Variants in COG3 observed in about 807,000 individuals in gnomAD.
The protein encoded by COG3 is conserved oligomeric Golgi complex subunit 3.
COG3 carries 32 observed loss-of-function variants against 114.1 expected under a neutral mutation model. That is an observed-to-expected ratio of 0.28 (90% CI 0.21 to 0.38). The LOEUF (loss-of-function observed/expected upper bound fraction) is 0.38, where lower values mean the gene tolerates loss of function less well. Among genes scored for constraint, COG3 ranks in the 10% least tolerant of loss-of-function variants. COG3 has a pLI of 1.00. For missense variants in COG3, 813 were observed against 973.2 expected, an observed-to-expected ratio of 0.84 and a Z score of 2.19; for synonymous variants, 352 against 365.7, an observed-to-expected ratio of 0.96 and a Z score of 0.43.
chr13:45,488,681 T>C (rs1886823073), intron 8 of COG3, among the ~76,000 whole-genome samples: 1 of 152,120 alleles, frequency 6.6e-6, no homozygotes, highest in African/African-American at 2.4e-5. Context: ...TTATTCATTC[T>C]ACGTAGCAGG....
At position 45,476,341 on chromosome 13, in the gene COG3, A is replaced by C. The variant is rs1174695990; in HGVS notation, c.315A>C (p.Ala105=). ...TGGAAGAAGAAAGAATTGAAACCGC[A>C]CAGCAGGTGAATTGCAGTATCTTTT... is the stretch of plus-strand genomic sequence containing the variant. ...LGMEEERIET[A]QQFFSWFAKL... is the part of the protein sequence containing the mutation. Residue 105 remains alanine (A), a synonymous_variant, in exon 2 of 23, where the codon GCA becomes GCC. Transcript: ENST00000349995. 3.0e-5 allele frequency: 49 copies of C among 1,613,574 alleles called. No individual in the cohort carries two copies. The highest frequency in any genetic ancestry group is 4.0e-5 in the Non-Finnish European group (47 of 1,179,740).
rs1885561347 is a variant in COG3 at position 45,472,216 on chromosome 13, A to G, written c.175-3985A>G. On this transcript the variant is annotated intron_variant, in intron 1 of 22. Coordinates refer to ENST00000349995, the MANE Select transcript of COG3 (RefSeq NM_031431.4). ...AATTTTTACCTTTATTTCTCTGTAT[A>G]GAATATGTCTTTTTCCCTCTGGCTG... 2.0e-5 allele frequency among the ~76,000 whole-genome samples: 3 copies of G among 152,092 alleles called. No homozygotes were observed. In the South Asian group the frequency reaches 6.2e-4, roughly 31 times the overall value.
chr13:45,513,531 A>G (rs1347122914), intron 16 of COG3, among the ~76,000 whole-genome samples: 1 of 140,628 alleles, frequency 7.1e-6, no homozygotes, highest in Non-Finnish European at 1.5e-5. Context: ...TAAATTATAT[A>G]TATAATATAT....
In COG3 at chr13:45,482,852, A is replaced by G. The variant is rs116813088; in HGVS notation, c.718-378A>G. 9.0e-3 allele frequency among the ~76,000 whole-genome samples: 1,370 copies of G among 152,322 alleles called. 27 individuals carry two copies. Among genetic ancestry groups the G allele is most frequent in the African/African-American group, 0.03 (1,268 of 41,574 alleles). Reference sequence around the variant, plus strand: ...AGAAAGTGTTACTTGGGGGGAAATAAAGGGACAAGCCCTTTGATTTAATCA... The same window carrying G: ...AGAAAGTGTTACTTGGGGGGAAATAGAGGGACAAGCCCTTTGATTTAATCA... On this transcript the variant is annotated intron_variant, in intron 6 of 22. Coordinates refer to ENST00000349995, the MANE Select transcript of COG3 (RefSeq NM_031431.4).
At chr13:45,478,708 C>T (rs537087189) in intron 2 of COG3, among the ~76,000 whole-genome samples, 2 of 152,218 alleles carry the variant, frequency 1.3e-5, no homozygotes, top group East Asian at 3.9e-4. Flanking sequence ...AGGCTGGTCT[C>T]GAACTCCCGA....
intron 1 of COG3, chr13:45,465,461 GT>G: frequency 1.9e-6 from 1 of 539,674 alleles, no homozygotes; most frequent in Non-Finnish European, 3.1e-6. Flanking sequence ...CCGGAACCCA[GT>G]CCTCCCCCAG....
Position 45,476,240 on chromosome 13 carries a change from C to T in COG3, c.214C>T (p.Leu72=). Residue 72 remains leucine (L), a synonymous_variant, in exon 2 of 23, where the codon CTG becomes TTG. Coordinates refer to ENST00000349995, the MANE Select transcript of COG3 (RefSeq NM_031431.4). ...EDLCSLTSQS[L]PIELTSVVPE... ...CTTGTGCAGTTTAACATCCCAGTCA[C>T]TGCCCATTGAACTGACTTCAGTAGT... 1 of 1,613,854 alleles carries T rather than the reference C, an allele frequency of 6.2e-7. No individual in the cohort carries two copies.
chr13:45,521,291 A>G (rs780251315), intron 19 of COG3, among the ~76,000 whole-genome samples: 16 of 152,320 alleles, frequency 1.1e-4, no homozygotes, highest in Non-Finnish European at 2.1e-4. Context: ...ACCTGTTTTT[A>G]TATTCCCTTC....
At chr13:45,490,180 A>G (rs1286484061) in intron 8 of COG3, among the ~76,000 whole-genome samples, 2 of 152,218 alleles carry the variant, frequency 1.3e-5, no homozygotes, top group East Asian at 1.9e-4. Context: ...CTGAGGATTT[A>G]TGAGACAGGC....
intron 15 of COG3, among the ~76,000 whole-genome samples, chr13:45,511,473 T>G (rs1204165491): frequency 6.6e-6 from 1 of 152,228 alleles, no homozygotes; most frequent in Non-Finnish European, 1.5e-5. Context: ...CTCCGTGAGG[T>G]CAGAACCATG....
chr13:45,500,248 T>C (rs905265212), intron 13 of COG3, among the ~76,000 whole-genome samples: 3 of 152,160 alleles, frequency 2.0e-5, no homozygotes, highest in Non-Finnish European at 4.4e-5. Context: ...AATATAATCT[T>C]GAGAAATCTG....
rs1295187482 is a variant in COG3 at position 45,503,294 on chromosome 13, T to C, written c.1539T>C (p.Ala513=). 2.5e-6 allele frequency: 4 copies of C among 1,608,970 alleles called. No homozygotes were observed. The highest frequency in any genetic ancestry group is 3.4e-6 in the Non-Finnish European group (4 of 1,175,646). Residue 513 remains alanine, a synonymous_variant, in exon 14 of 23, where the codon GCT becomes GCC. Transcript: ENST00000349995. ...AACAGAAGAAGGTACCTTCAGAAGCTTCATTTTCAGATGTTCACTTAGAAG... is the reference window on the plus strand; with the variant it reads ...AACAGAAGAAGGTACCTTCAGAAGCCTCATTTTCAGATGTTCACTTAGAAG... ...KDEQKKVPSE[A]SFSDVHLEEG...
intron 1 of COG3, among the ~76,000 whole-genome samples, chr13:45,468,010 C>G (rs1885253367): frequency 6.6e-6 from 1 of 152,144 alleles, no homozygotes; most frequent in Admixed American, 6.5e-5. Context: ...AGGAATTATG[C>G]CTTTTTTGGC....
At chr13:45,495,390 A>C (rs1244662641) in intron 12 of COG3, among the ~76,000 whole-genome samples, 8 of 151,218 alleles carry the variant, frequency 5.3e-5, no homozygotes, top group Admixed American at 4.6e-4. Context: ...TTTATTTATT[A>C]TTTTTGAGAC....
At chr13:45,493,548 AT>A (rs759789588) in intron 12 of COG3, 62 bp downstream of exon 12, 71 of 1,474,466 alleles carry the variant, frequency 4.8e-5, no homozygotes, top group Non-Finnish European at 6.3e-5. Flanking sequence ...TGAAAAAAAA[AT>A]AAGTGCTTCT....
intron 4 of COG3, 51 bp downstream of exon 4, chr13:45,480,341 T>G: frequency 8.1e-7 from 1 of 1,228,784 alleles, no homozygotes; most frequent in Non-Finnish European, 1.1e-6. Flanking sequence ...TATTTTAAAA[T>G]AGATGAATAC....
chr13:45,519,739 A>G (rs183736115), intron 19 of COG3, among the ~76,000 whole-genome samples: 3 of 152,300 alleles, frequency 2.0e-5, no homozygotes, highest in African/African-American at 7.2e-5. Context: ...ATTTGAGGAC[A>G]TGCTGTGCGT....
At position 45,534,694 on chromosome 13, in the gene COG3, C is replaced by CT. The variant is rs1206276761; in HGVS notation, c.2458-4dup. ...AGAACTAACATAGCTCTTAATTTTGCTTTTCAGCTGAGCCTTCTGCTGTTG... is the reference window on the plus strand; with the variant it reads ...AGAACTAACATAGCTCTTAATTTTGCTTTTTCAGCTGAGCCTTCTGCTGTTG... On this transcript the variant is annotated splice_region_variant and splice_polypyrimidine_tract_variant and intron_variant, in intron 22 of 22. Coordinates refer to ENST00000349995, the MANE Select transcript of COG3 (RefSeq NM_031431.4). 3 of 1,559,904 alleles carry CT rather than the reference C, an allele frequency of 1.9e-6. No homozygotes were observed. The highest frequency in any genetic ancestry group is 2.6e-6 in the Non-Finnish European group (3 of 1,150,936).
chr13:45,530,554 T>C (rs1873083182), intron 21 of COG3, 128 bp from the exon 22 acceptor site: 3 of 633,658 alleles, frequency 4.7e-6, no homozygotes, highest in East Asian at 5.5e-5. Context: ...AAATTATGCG[T>C]CTTTGGTAAT....
Sources: gnomAD v4.1 joint callset for allele counts (sites outside exome capture counted in the v4.1 genomes callset) on GRCh38, gnomAD v4.1.1 for gene constraint, MANE v1.5 for transcripts, NCBI Gene and HGNC (gene_info 2026-07-23, HGNC 2026-07-21) for gene names.